The following AGBL1 variants were observed in gnomAD, a reference collection of about 807,000 sequenced individuals.
The protein encoded by AGBL1 is cytosolic carboxypeptidase 4.
A neutral mutation model predicts 118.9 loss-of-function variants in AGBL1; 130 were observed. The observed-to-expected ratio is 1.09, with a 90% CI of 0.95 to 1.26. The LOEUF (loss-of-function observed/expected upper bound fraction) is 1.26, where lower values mean the gene tolerates loss of function less well. Among genes scored for constraint, AGBL1 ranks in the 50% most tolerant of loss-of-function variants. The pLI is 0.00. For missense variants in AGBL1, 1,584 were observed against 1,298.1 expected, an observed-to-expected ratio of 1.22 and a Z score of -3.38; for synonymous variants, 555 against 478.9, an observed-to-expected ratio of 1.16 and a Z score of -2.08.
At chr15:86,598,856 T>G (rs906559420) in intron 21 of AGBL1, among the ~76,000 whole-genome samples, 4 of 152,184 alleles carry the variant, frequency 2.6e-5, no homozygotes, top group African/African-American at 9.6e-5. Flanking sequence ...TGTTGAATTG[T>G]CAATGTAAGG....
chr15:86,820,708 T>C (rs994500591), intron 22 of AGBL1, among the ~76,000 whole-genome samples: 4 of 152,124 alleles, frequency 2.6e-5, no homozygotes, highest in African/African-American at 9.7e-5. Flanking sequence ...TGTGGAGAAA[T>C]AGGAACACTT....
At chr15:86,102,979 A>T (rs1250383801) in intron 1 of AGBL1, among the ~76,000 whole-genome samples, 1 of 152,126 alleles carries the variant, frequency 6.6e-6, no homozygotes, top group African/African-American at 2.4e-5. Context: ...AAGGTGTCTC[A>T]TATGTCATGT....
intron 1 of AGBL1, among the ~76,000 whole-genome samples, chr15:86,134,748 G>A (rs1013901619): frequency 6.6e-6 from 1 of 151,612 alleles, no homozygotes; most frequent in African/African-American, 2.4e-5. Context: ...CGAGTAGCTA[G>A]GATTACAGGC....
rs1001612213 is a variant in AGBL1, at chr15:86,978,186, G to C, written c.3222-9801G>C. Among the ~76,000 whole-genome samples the C allele has an allele frequency of 5.3e-5, 8 of 152,124 alleles. No homozygotes were observed. In the East Asian group the frequency reaches 1.5e-3, roughly 29 times the overall value. The stretch of plus-strand genomic sequence containing the variant: ...TACAAGTAAGTCAACACACACTTAG[G>C]TTGAAATTTTCATATCTGAAATGCC... On this transcript the variant is annotated intron_variant, in intron 23 of 24. Transcript: ENST00000441037.
At chr15:87,026,528 A>T (rs776907107) in intron 24 of AGBL1, among the ~76,000 whole-genome samples, 1 of 152,072 alleles carries the variant, frequency 6.6e-6, no homozygotes, top group African/African-American at 2.4e-5. Context: ...TGAACAGGGA[A>T]CACTTCTACA....
chr15:86,757,411 G>A (rs2077957976), intron 22 of AGBL1, among the ~76,000 whole-genome samples: 1 of 152,062 alleles, frequency 6.6e-6, no homozygotes, highest in Admixed American at 6.6e-5. Flanking sequence ...GTCCTCCTGT[G>A]AACTAGAGGA....
At chr15:86,421,433 A>G (rs1365798892) in intron 18 of AGBL1, among the ~76,000 whole-genome samples, 1 of 152,214 alleles carries the variant, frequency 6.6e-6, no homozygotes, top group Non-Finnish European at 1.5e-5. Context: ...CAGGCCTACC[A>G]TGCAAGAGCT....
At chr15:86,612,150 T>A (rs1195397597) in intron 21 of AGBL1, among the ~76,000 whole-genome samples, 5 of 151,966 alleles carry the variant, frequency 3.3e-5, no homozygotes, top group Non-Finnish European at 7.4e-5. Flanking sequence ...TGGGAGATTG[T>A]AGGGGGAAGA....
rs534340252 is a variant in AGBL1 at position 86,320,302 on chromosome 15, A to T, written c.2374+24894A>T. 8.4e-4 allele frequency among the ~76,000 whole-genome samples: 125 copies of T among 148,626 alleles called. 3 individuals are homozygous for T. The South Asian group carries it at 0.025, about 29-fold the overall frequency. ...TCTACAATTGGTTTCATAAAATTTT[A>T]TTTTTTTTTTGTATAAAGAGCTTGC... On this transcript the variant is annotated intron_variant, in intron 17 of 22. Coordinates refer to ENST00000614907, the MANE Select transcript of AGBL1 (RefSeq NM_001386094.1).
chr15:86,641,417 A>T (rs1441325423), intron 21 of AGBL1, among the ~76,000 whole-genome samples: 1 of 151,982 alleles, frequency 6.6e-6, no homozygotes, highest in African/African-American at 2.4e-5. Context: ...TTTTTTTAAA[A>T]AAAAAAGCAG....
intron 18 of AGBL1, among the ~76,000 whole-genome samples, chr15:86,487,338 A>G (rs139436734): frequency 1.3e-5 from 2 of 152,216 alleles, no homozygotes; most frequent in Non-Finnish European, 2.9e-5. Context: ...CCCATGGAAG[A>G]TGAAGTGAAG....
At chr15:86,834,112 T>A (rs928371063) in intron 22 of AGBL1, among the ~76,000 whole-genome samples, 1 of 152,044 alleles carries the variant, frequency 6.6e-6, no homozygotes, top group African/African-American at 2.4e-5. Context: ...TCCTACACAA[T>A]GGAGACAAGG....
Position 86,520,185 on chromosome 15 carries a change from C to A in AGBL1, c.2556-2625C>A, listed in dbSNP as rs150954116. The stretch of plus-strand genomic sequence containing the variant: ...ATGTAGTCAAAGTTGTGCTATGCAT[C>A]CTTGAGCATTTTAGATGTAGATGAA... On this transcript the variant is annotated intron_variant, in intron 18 of 22. Coordinates refer to ENST00000614907, the MANE Select transcript of AGBL1 (RefSeq NM_001386094.1). Among the ~76,000 whole-genome samples the A allele has an allele frequency of 6.2e-3, 944 of 152,192 alleles. 13 individuals are homozygous for A. The highest frequency in any genetic ancestry group is 0.021 in the African/African-American group (864 of 41,526).
intron 24 of AGBL1, among the ~76,000 whole-genome samples, chr15:87,002,751 G>C (rs916023695): frequency 1.3e-5 from 2 of 152,192 alleles, no homozygotes; most frequent in African/African-American, 4.8e-5. Flanking sequence ...TTGTGAATGA[G>C]AGTTCACTCA....
chr15:86,770,565 T>C (rs2078162448), intron 22 of AGBL1, among the ~76,000 whole-genome samples: 1 of 151,926 alleles, frequency 6.6e-6, no homozygotes, highest in African/African-American at 2.4e-5. Flanking sequence ...GACACCGCAA[T>C]TGCACGATGG....
At chr15:86,597,128 C>T (rs1020161491) in intron 21 of AGBL1, among the ~76,000 whole-genome samples, 9 of 127,644 alleles carry the variant, frequency 7.1e-5, no homozygotes, top group African/African-American at 2.6e-4. Flanking sequence ...ATCTAATCTA[C>T]CTATATCCAT....
At chr15:86,329,156 A>G (rs35239367) in intron 17 of AGBL1, among the ~76,000 whole-genome samples, 6,169 of 152,132 alleles carry the variant, frequency 0.041, 163 homozygotes, top group South Asian at 0.081. Flanking sequence ...GTCTGCATGT[A>G]TCATTGCTGG....
At chr15:86,291,114 T>C (rs1032015621) in intron 16 of AGBL1, among the ~76,000 whole-genome samples, 13 of 152,188 alleles carry the variant, frequency 8.5e-5, no homozygotes, top group African/African-American at 2.9e-4. Flanking sequence ...CCAACAGTGA[T>C]AGACTGGACC....
chr15:86,122,610 A>T (rs1898154254), intron 1 of AGBL1, among the ~76,000 whole-genome samples: 1 of 152,088 alleles, frequency 6.6e-6, no homozygotes, highest in African/African-American at 2.4e-5. Context: ...TCATCTAATT[A>T]AAAAAAATCA....
Sources: gnomAD v4.1 joint callset for allele counts (sites outside exome capture counted in the v4.1 genomes callset) on GRCh38, gnomAD v4.1.1 for gene constraint, MANE v1.5 for transcripts, NCBI Gene and HGNC (gene_info 2026-07-23, HGNC 2026-07-21) for gene names.